LPCAT2: variants seen among roughly 807,000 people sequenced by gnomAD.
LPCAT2 encodes lysophosphatidylcholine acyltransferase 2.
Under a neutral mutation model 64.7 loss-of-function variants are expected in LPCAT2, and 58 were observed. That is an observed-to-expected ratio of 0.90 (90% confidence interval 0.73 to 1.12). The LOEUF (loss-of-function observed/expected upper bound fraction) is 1.12, where lower values mean the gene tolerates loss of function less well. LPCAT2 is among the 50% of genes most tolerant of loss of function. The probability of loss-of-function intolerance (pLI) is 0.00; values close to 1 mark genes in which losing one functional copy is unlikely to be tolerated. For synonymous variants in LPCAT2, 252 were observed against 245.3 expected, an observed-to-expected ratio of 1.03 and a Z score of -0.26; for missense variants, 579 against 669.8, an observed-to-expected ratio of 0.86 and a Z score of 1.50.
intron 8 of LPCAT2, among the ~76,000 whole-genome samples, chr16:55,543,387 G>C (rs929081209): frequency 1.3e-5 from 2 of 152,048 alleles, no homozygotes; most frequent in Admixed American, 6.6e-5. Context: ...TATTTTTCAA[G>C]GTTTTCAGTA....
intron 8 of LPCAT2, chr16:55,539,468 G>A (rs1358396702): frequency 6.6e-6 from 1 of 151,916 alleles, no homozygotes; most frequent in Non-Finnish European, 1.5e-5. Flanking sequence ...GGAATTTGTG[G>A]ACTTCAAATT....
rs1963919729 is a variant in LPCAT2 at position 55,584,199 on chromosome 16, T to G, written c.*1101T>G. 1.3e-5 allele frequency: 2 copies of G among 152,226 alleles called. No individual in the cohort carries two copies. The highest frequency in any genetic ancestry group is 4.8e-5 in the African/African-American group (2 of 41,468). 9.4% of individuals were successfully genotyped at this position (152,226 alleles called of 1,614,324 possible). ...AGTTCAGAATGTAGCACTTGCCCTA[T>G]AAATGAATCAGATTTGTTCTATTTA... On this transcript the variant is annotated 3_prime_UTR_variant, in exon 14 of 14. Coordinates refer to ENST00000262134, the MANE Select transcript of LPCAT2 (RefSeq NM_017839.5).
chr16:55,534,984 T>C (rs1300968014), intron 7 of LPCAT2, among the ~76,000 whole-genome samples: 1 of 152,208 alleles, frequency 6.6e-6, no homozygotes, highest in Non-Finnish European at 1.5e-5. Flanking sequence ...GCAGTTTCTA[T>C]AAGCACTTTA....
intron 10 of LPCAT2, among the ~76,000 whole-genome samples, 159 bp downstream of exon 10, chr16:55,549,561 C>T (rs1963492119): frequency 6.6e-6 from 1 of 152,144 alleles, no homozygotes; most frequent in Non-Finnish European, 1.5e-5. Flanking sequence ...TTTTATTCAT[C>T]TACTTTTGCT....
chr16:55,534,660 A>C (rs187685783), intron 7 of LPCAT2, among the ~76,000 whole-genome samples, 183 bp downstream of exon 7: 1 of 152,208 alleles, frequency 6.6e-6, no homozygotes, highest in African/African-American at 2.4e-5. Flanking sequence ...GAGCATCACT[A>C]TCTTGACCAC....
chr16:55,548,725 G>A (rs1963481466), intron 9 of LPCAT2, among the ~76,000 whole-genome samples: 2 of 152,056 alleles, frequency 1.3e-5, no homozygotes, highest in African/African-American at 4.8e-5. Context: ...TGTTGGCCAG[G>A]CTGGTCTCAA....
At chr16:55,566,946 C>T in intron 11 of LPCAT2, 1 of 1,613,858 alleles carries the variant, frequency 6.2e-7, no homozygotes, top group Non-Finnish European at 8.5e-7. Context: ...GCCTCCCACT[C>T]AGCAGCATTT....
intron 11 of LPCAT2, among the ~76,000 whole-genome samples, chr16:55,562,828 CT>C (rs1162160721): frequency 1.3e-5 from 2 of 151,890 alleles, no homozygotes; most frequent in African/African-American, 4.8e-5. Context: ...GTCCTAGCTA[CT>C]TTTCCCCAAG....
chr16:55,578,412 G>A (rs1963851996), intron 12 of LPCAT2, among the ~76,000 whole-genome samples: 1 of 152,126 alleles, frequency 6.6e-6, no homozygotes, highest in Non-Finnish European at 1.5e-5. Flanking sequence ...CTTTCACCCA[G>A]TTGCCTAAAC....
intron 11 of LPCAT2, chr16:55,567,421 CCT>C: frequency 1.9e-6 from 3 of 1,613,776 alleles, no homozygotes; most frequent in Non-Finnish European, 2.5e-6. Context: ...ATGTTTCGTG[CCT>C]TCAAGTCTCT....
intron 2 of LPCAT2, 133 bp from the exon 3 acceptor site, chr16:55,528,244 G>A (rs1963199877): frequency 7.5e-6 from 5 of 667,168 alleles, no homozygotes; most frequent in African/African-American, 1.8e-5. Context: ...AGTGTTAGCT[G>A]TTATTCTCCT....
intron 13 of LPCAT2, among the ~76,000 whole-genome samples, chr16:55,580,881 G>A (rs1297475660): frequency 2.6e-5 from 4 of 151,976 alleles, no homozygotes; most frequent in African/African-American, 9.7e-5. Flanking sequence ...TAGGTTGCAC[G>A]TTCCTTATGA....
chr16:55,527,859 A>G (rs1963194948), intron 2 of LPCAT2, among the ~76,000 whole-genome samples: 1 of 152,202 alleles, frequency 6.6e-6, no homozygotes, highest in African/African-American at 2.4e-5. Context: ...AAAAATTCCT[A>G]AAATAATTCT....
At chr16:55,539,849 A>G (rs983982437) in intron 8 of LPCAT2, 25 of 152,076 alleles carry the variant, frequency 1.6e-4, no homozygotes, top group Non-Finnish European at 2.8e-4. Flanking sequence ...TATTTTAAAC[A>G]TGTTTTTAGA....
intron 1 of LPCAT2, among the ~76,000 whole-genome samples, chr16:55,511,279 A>G (rs1164161470): frequency 6.6e-6 from 1 of 152,222 alleles, no homozygotes; most frequent in Non-Finnish European, 1.5e-5. Context: ...AAGTCTGGAT[A>G]TTAAAAATAC....
In LPCAT2 at chr16:55,585,193, C is replaced by G. The variant is rs1162078483; in HGVS notation, c.*2095C>G. 6.6e-6 allele frequency: 1 copy of G among 152,134 alleles called. No individual in the cohort carries two copies. The highest frequency in any genetic ancestry group is 1.5e-5 in the Non-Finnish European group (1 of 67,996). 9.4% of individuals were successfully genotyped at this position (152,134 alleles called of 1,614,324 possible). A position where few individuals can be genotyped will look rare whatever the true frequency, so the allele number is the denominator to read the frequency against. ...AAAATTCTTAGCAATTAAAAAAATT[C>G]TGATTCTGCCATTTTGTCTCAAATG... On this transcript the variant is annotated 3_prime_UTR_variant, in exon 14 of 14. Coordinates refer to ENST00000262134, the MANE Select transcript of LPCAT2 (RefSeq NM_017839.5).
intron 11 of LPCAT2, chr16:55,566,925 A>G (rs758007513): frequency 1.2e-6 from 2 of 1,613,606 alleles, no homozygotes; most frequent in African/African-American, 2.7e-5. Flanking sequence ...AGCTCAGTAT[A>G]CTCCAGAACC....
intron 13 of LPCAT2, 63 bp downstream of exon 13, chr16:55,579,307 T>C (rs1963864496): frequency 6.7e-7 from 1 of 1,487,812 alleles, no homozygotes; most frequent in South Asian, 1.2e-5. Context: ...TATGGACTGA[T>C]GCTCAAGAGT....
chr16:55,527,820 T>C (rs1309424590), intron 2 of LPCAT2, among the ~76,000 whole-genome samples: 2 of 152,224 alleles, frequency 1.3e-5, no homozygotes, highest in African/African-American at 4.8e-5. Context: ...ATCTAAAAAC[T>C]GTAACAATAC....
Sources: allele counts gnomAD v4.1 joint callset (sites outside exome capture counted in the v4.1 genomes callset), GRCh38; gene constraint gnomAD v4.1.1; transcripts MANE v1.5; gene names NCBI Gene and HGNC (gene_info 2026-07-23, HGNC 2026-07-21).